The following ABHD18 variants were observed in gnomAD, a reference collection of about 807,000 sequenced individuals.
ABHD18 encodes cardiolipin-specific deacylase, mitochondrial.
ABHD18 carries 55 observed loss-of-function variants against 65.9 expected under a neutral mutation model. That is an observed-to-expected ratio of 0.84 (90% CI 0.67 to 1.05). The LOEUF is 1.05. Ranked by LOEUF, ABHD18 falls within the 50% of genes least tolerant of loss-of-function variation. ABHD18 has a pLI of 0.00. For missense variants in ABHD18, 533 were observed against 558.5 expected (o/e 0.95, Z 0.46); for synonymous variants, 181 against 180.2 (o/e 1.00, Z -0.04).
At chr4:127,971,631 C>G (rs1408795790) in intron 1 of ABHD18, among the ~76,000 whole-genome samples, 1 of 151,588 alleles carries the variant, frequency 6.6e-6, no homozygotes, top group Non-Finnish European at 1.5e-5. Flanking sequence ...GCTGGGACTA[C>G]AGGCACCCGC....
intron 4 of ABHD18, among the ~76,000 whole-genome samples, chr4:128,000,873 G>A (rs1752532327): frequency 6.6e-6 from 1 of 151,938 alleles, no homozygotes; most frequent in African/African-American, 2.4e-5. Context: ...GTATTCCTAG[G>A]TTTCTGTGTG....
chr4:128,028,332 A>C (rs1175322510), intron 10 of ABHD18, 143 bp from the exon 11 acceptor site: 1 of 608,174 alleles, frequency 1.6e-6, no homozygotes, highest in East Asian at 3.2e-5. Flanking sequence ...AAGACTGCAT[A>C]ATGTTTAATT....
At chr4:127,968,911 A>G (rs1746201334) in intron 1 of ABHD18, among the ~76,000 whole-genome samples, 1 of 152,046 alleles carries the variant, frequency 6.6e-6, no homozygotes, top group South Asian at 2.1e-4. Flanking sequence ...GACCCAGCCA[A>G]CCCTGTCTAG....
chr4:127,987,672 C>T (rs900420331), intron 3 of ABHD18, among the ~76,000 whole-genome samples: 1 of 150,338 alleles, frequency 6.7e-6, no homozygotes, highest in Non-Finnish European at 1.5e-5. Flanking sequence ...AGATAGCACT[C>T]ACTGCACTCC....
chr4:128,039,122 GTATTA>G lies in ABHD18; in HGVS notation c.*3313_*3317del, dbSNP rs1260508200. The G allele has an allele frequency of 1.9e-5, 2 of 103,546 alleles. No individual in the cohort carries two copies. Among genetic ancestry groups the G allele is most frequent in the African/African-American group, 3.7e-5 (1 of 27,332 alleles). 6.4% of individuals were successfully genotyped at this position (103,546 alleles called of 1,614,324 possible). The stretch of plus-strand genomic sequence containing the variant: ...TATATATGTATGTACGTATATATAT[GTATTA>G]TATATACACACATATGCATATATAT... On this transcript the variant is annotated 3_prime_UTR_variant, in exon 13 of 13. Transcript: ENST00000645843.
chr4:128,010,712 G>A (rs1269221463), intron 6 of ABHD18, among the ~76,000 whole-genome samples: 1 of 151,954 alleles, frequency 6.6e-6, no homozygotes, highest in African/African-American at 2.4e-5. Context: ...TCAGGAGTTC[G>A]AGACCAGCCT....
chr4:128,035,692 A>T, intron 12 of ABHD18, 70 bp from the exon 13 acceptor site: 1 of 871,236 alleles, frequency 1.1e-6, no homozygotes, highest in Non-Finnish European at 1.8e-6. Flanking sequence ...GAAATAACTT[A>T]CAGTAAAGGC....
intron 8 of ABHD18, among the ~76,000 whole-genome samples, chr4:128,018,960 G>A (rs931379241): frequency 1.3e-5 from 2 of 149,112 alleles, no homozygotes; most frequent in Admixed American, 6.8e-5. Context: ...GTTGCAGTGA[G>A]CTGAGATCGC....
chr4:127,966,251 T>A (rs1314799681), intron 1 of ABHD18, among the ~76,000 whole-genome samples: 1 of 152,148 alleles, frequency 6.6e-6, no homozygotes, highest in African/African-American at 2.4e-5. Flanking sequence ...ATTACCGTTT[T>A]ATTAGCGCCA....
intron 6 of ABHD18, chr4:128,009,478 G>A: frequency 4.7e-6 from 1 of 212,918 alleles, no homozygotes; most frequent in Non-Finnish European, 9.2e-6. Flanking sequence ...TTGCTATTAA[G>A]GAAACAATCA....
chr4:128,024,788 G>A (rs1757090750), intron 10 of ABHD18, among the ~76,000 whole-genome samples: 1 of 152,064 alleles, frequency 6.6e-6, no homozygotes, highest in African/African-American at 2.4e-5. Context: ...CGCCTCCTGA[G>A]TTCAAGCGAT....
At chr4:127,980,815 G>A (rs1579169909) in intron 1 of ABHD18, among the ~76,000 whole-genome samples, 2 of 99,960 alleles carry the variant, frequency 2.0e-5, no homozygotes, top group Admixed American at 3.0e-4. Flanking sequence ...AACAGAGCAA[G>A]ACTGCATCTC....
intron 7 of ABHD18, among the ~76,000 whole-genome samples, chr4:128,014,778 C>T (rs1430121040): frequency 6.7e-6 from 1 of 148,762 alleles, no homozygotes; most frequent in Non-Finnish European, 1.5e-5. Context: ...ATATACCCCC[C>T]GCCCCTAAAA....
chr4:127,981,011 G>C (rs917005530), intron 1 of ABHD18, among the ~76,000 whole-genome samples: 2 of 151,848 alleles, frequency 1.3e-5, no homozygotes, highest in Non-Finnish European at 2.9e-5. Flanking sequence ...TTACCCACTG[G>C]GTAGATAATT....
At chr4:127,980,321 C>A (rs1044659575) in intron 1 of ABHD18, among the ~76,000 whole-genome samples, 1 of 152,170 alleles carries the variant, frequency 6.6e-6, no homozygotes, top group African/African-American at 2.4e-5. Flanking sequence ...AATGTTTCCC[C>A]CTCAACCTTG....
In ABHD18 at chr4:127,971,482, C is replaced by CTTTTTTTT. The variant is rs1156788634; in HGVS notation, c.-18+5897_-18+5904dup. On this transcript the variant is annotated intron_variant, in intron 1 of 12. Transcript: ENST00000645843. ...ACTCTCTGAATATGTCCAGAGTTGG[C>CTTTTTTTT]TTTTTTTTTTTTTTTTTTTTTTTTT... is the stretch of plus-strand genomic sequence containing the variant. Among the ~76,000 whole-genome samples, 2 of 51,906 alleles carry CTTTTTTTT rather than the reference C, an allele frequency of 3.9e-5. 1 individual carries two copies. The highest frequency in any genetic ancestry group is 1.3e-3 in the East Asian group (2 of 1,500). 34.1% of individuals were successfully genotyped at this position (51,906 alleles called of 152,430 possible).
intron 3 of ABHD18, among the ~76,000 whole-genome samples, chr4:127,986,207 A>G (rs985620579): frequency 6.6e-6 from 1 of 152,180 alleles, no homozygotes; most frequent in Non-Finnish European, 1.5e-5. Flanking sequence ...GGCAATCACT[A>G]GTCTACTCTC....
intron 4 of ABHD18, among the ~76,000 whole-genome samples, chr4:127,999,262 C>T (rs546000482): frequency 1.5e-4 from 23 of 151,612 alleles, no homozygotes; most frequent in African/African-American, 4.6e-4. Context: ...CCAGCCTGGG[C>T]GACAGAGTGA....
At chr4:127,997,615 G>A (rs972674309) in intron 4 of ABHD18, among the ~76,000 whole-genome samples, 1 of 152,176 alleles carries the variant, frequency 6.6e-6, no homozygotes, top group African/African-American at 2.4e-5. Flanking sequence ...TTTGAAACTT[G>A]TAGAGTACTG....
Sources: allele counts gnomAD v4.1 joint callset (sites outside exome capture counted in the v4.1 genomes callset), GRCh38; gene constraint gnomAD v4.1.1; transcripts MANE v1.5; gene names NCBI Gene and HGNC (gene_info 2026-07-23, HGNC 2026-07-21).